Variants in DPP6 observed in about 807,000 individuals in gnomAD.
DPP6 encodes the protein A-type potassium channel modulatory protein DPP6.
Under a neutral mutation model 122.6 loss-of-function variants are expected in DPP6, and 69 were observed. The observed-to-expected ratio is 0.56, with a 90% CI of 0.46 to 0.69. The LOEUF (loss-of-function observed/expected upper bound fraction) is 0.69, where lower values mean the gene tolerates loss of function less well. DPP6 is among the 30% of genes least tolerant of loss of function. The probability of loss-of-function intolerance (pLI) is 0.00; values close to 1 mark genes in which losing one functional copy is unlikely to be tolerated. For missense variants in DPP6, 928 were observed against 1,116.9 expected, an observed-to-expected ratio of 0.83 and a Z score of 2.41; for synonymous variants, 418 against 433.1, an observed-to-expected ratio of 0.97 and a Z score of 0.43.
chr7:154,088,209 C>A (rs1265123054), intron 1 of DPP6, among the ~76,000 whole-genome samples: 2 of 152,088 alleles, frequency 1.3e-5, no homozygotes, highest in African/African-American at 4.8e-5. Flanking sequence ...GGGCTTTGCT[C>A]TGGGAGGGGC....
intron 1 of DPP6, among the ~76,000 whole-genome samples, chr7:154,105,007 G>A (rs1020861458): frequency 2.6e-5 from 4 of 152,148 alleles, no homozygotes; most frequent in African/African-American, 9.7e-5. Context: ...ACACGCCTGC[G>A]GTCCCAGCTA....
At chr7:154,442,907 C>T (rs1819512921) in intron 1 of DPP6, among the ~76,000 whole-genome samples, 1 of 152,174 alleles carries the variant, frequency 6.6e-6, no homozygotes, top group East Asian at 1.9e-4. Context: ...CTGGTTTCTG[C>T]AAGTGTTTCC....
At chr7:154,674,167 T>G (rs1838747072) in intron 7 of DPP6, among the ~76,000 whole-genome samples, 1 of 152,182 alleles carries the variant, frequency 6.6e-6, no homozygotes, top group African/African-American at 2.4e-5. Flanking sequence ...TGAGCCACTC[T>G]GCCCGGCCAT....
At chr7:153,841,739 C>T in the DPP6 span, among the ~76,000 whole-genome samples, 4 of 152,226 alleles carry the variant, frequency 2.6e-5, no homozygotes, top group East Asian at 3.9e-4. Flanking sequence ...AAGAACAGAT[C>T]GTTAAGAAAG....
At chr7:153,852,269 G>A in the DPP6 span, among the ~76,000 whole-genome samples, 18 of 152,200 alleles carry the variant, frequency 1.2e-4, no homozygotes, top group East Asian at 3.1e-3. Flanking sequence ...ACCTGAGACT[G>A]GGTAATTTAT....
At chr7:154,177,481 G>A (rs915966998) in intron 1 of DPP6, among the ~76,000 whole-genome samples, 1 of 152,212 alleles carries the variant, frequency 6.6e-6, no homozygotes, top group Non-Finnish European at 1.5e-5. Flanking sequence ...GGTATGCTGA[G>A]GAAAGCCAAA....
At chr7:154,560,451 G>T (rs1269519935) in intron 4 of DPP6, among the ~76,000 whole-genome samples, 3 of 152,084 alleles carry the variant, frequency 2.0e-5, no homozygotes, top group African/African-American at 7.2e-5. Context: ...ACAGTTTAAA[G>T]GACAGATTTC....
At chr7:154,008,687 A>G (rs1249031502) in intron 1 of DPP6, among the ~76,000 whole-genome samples, 83 of 120,086 alleles carry the variant, frequency 6.9e-4, no homozygotes, top group Non-Finnish European at 1.1e-3. Flanking sequence ...TTTGAGACGG[A>G]GTCTCGCTCT....
intron 1 of DPP6, among the ~76,000 whole-genome samples, chr7:153,891,842 G>C (rs1225814448): frequency 1.3e-5 from 2 of 152,242 alleles, no homozygotes; most frequent in African/African-American, 2.4e-5. Flanking sequence ...AGTGAGGGCT[G>C]TGCAGGCCCA....
chr7:154,648,438 C>T (rs548112648), intron 6 of DPP6, among the ~76,000 whole-genome samples: 10 of 152,204 alleles, frequency 6.6e-5, no homozygotes, highest in African/African-American at 2.2e-4. Flanking sequence ...ACACAAATAC[C>T]CCACTGTGTC....
At chr7:153,785,903 TTTC>T in the DPP6 span, among the ~76,000 whole-genome samples, 1 of 151,992 alleles carries the variant, frequency 6.6e-6, no homozygotes, top group African/African-American at 2.4e-5. Context: ...GTTTTTTTTT[TTTC>T]TATCTTCAGT....
At chr7:154,747,565 T>C (rs1843093185) in intron 8 of DPP6, among the ~76,000 whole-genome samples, 1 of 152,226 alleles carries the variant, frequency 6.6e-6, no homozygotes, top group Non-Finnish European at 1.5e-5. Context: ...CCATACTGTG[T>C]TAGTCTAGCA....
chr7:154,343,650 G>A (rs542741244), intron 1 of DPP6, among the ~76,000 whole-genome samples: 32 of 152,144 alleles, frequency 2.1e-4, no homozygotes, highest in Admixed American at 5.2e-4. Flanking sequence ...GTGCGATCTC[G>A]GCTCACTGCA....
intron 3 of DPP6, among the ~76,000 whole-genome samples, chr7:154,526,920 A>G (rs1563805639): frequency 1.3e-5 from 2 of 152,220 alleles, no homozygotes; most frequent in African/African-American, 4.8e-5. Flanking sequence ...TTATTGGAGA[A>G]ACATGGTGAA....
the DPP6 span, among the ~76,000 whole-genome samples, chr7:153,785,936 A>G: frequency 0.51 from 76,894 of 149,912 alleles, 20,424 homozygotes; most frequent in African/African-American, 0.65. Flanking sequence ...GAACCTGAAT[A>G]TTTTCTTCTA....
intron 7 of DPP6, among the ~76,000 whole-genome samples, chr7:154,669,930 G>A (rs1838450765): frequency 6.6e-6 from 1 of 152,118 alleles, no homozygotes. Context: ...CACGATCTCA[G>A]CTCACTGCAA....
chr7:153,956,242 G>C, intron 1 of DPP6, among the ~76,000 whole-genome samples: 1 of 152,118 alleles, frequency 6.6e-6, no homozygotes, highest in Non-Finnish European at 1.5e-5. Flanking sequence ...GACCCCACCT[G>C]CAGGGGTGCT....
At chr7:154,096,333 T>G (rs1805317294) in intron 1 of DPP6, among the ~76,000 whole-genome samples, 1 of 99,226 alleles carries the variant, frequency 1.0e-5, no homozygotes, top group Non-Finnish European at 2.0e-5. Context: ...ATAAGAAAAA[T>G]TTTTCAGGGA....
chr7:154,160,575 G>A (rs13308025), intron 1 of DPP6, among the ~76,000 whole-genome samples: 89,063 of 151,762 alleles, frequency 0.59, 30,178 homozygotes, highest in East Asian at 0.92. Context: ...AGGATGTGGC[G>A]CTTAGAAGCT....
Sources: allele counts gnomAD v4.1 joint callset (sites outside exome capture counted in the v4.1 genomes callset), GRCh38; gene constraint gnomAD v4.1.1; transcripts MANE v1.5; gene names NCBI Gene and HGNC (gene_info 2026-07-23, HGNC 2026-07-21).